CLNK: variants seen among roughly 807,000 people sequenced by gnomAD.
CLNK encodes the protein cytokine dependent hematopoietic cell linker, also known as cytokine-dependent hematopoietic cell linker.
A neutral mutation model predicts 68.6 loss-of-function variants in CLNK; 74 were observed. That is an observed-to-expected ratio of 1.08 (90% confidence interval 0.89 to 1.31). CLNK has a LOEUF of 1.31. CLNK is among the 50% of genes most tolerant of loss of function. The pLI, the probability that CLNK is intolerant of heterozygous loss-of-function variation, is 0.00. For missense variants in CLNK, 553 were observed against 515.3 expected (o/e 1.07, Z -0.71); for synonymous variants, 198 against 172.2 (o/e 1.15, Z -1.17).
At chr4:10,717,317 C>A in the CLNK span, among the ~76,000 whole-genome samples, 5 of 152,222 alleles carry the variant, frequency 3.3e-5, no homozygotes, top group Admixed American at 2.6e-4. Flanking sequence ...AAGCCGTGGC[C>A]GGGTGTGGTG....
At chr4:10,640,676 T>C (rs1427298733) in intron 2 of CLNK, among the ~76,000 whole-genome samples, 1 of 152,242 alleles carries the variant, frequency 6.6e-6, no homozygotes, top group Admixed American at 6.5e-5. Flanking sequence ...AGACTTGAGA[T>C]GCAGACTAGG....
intron 2 of CLNK, among the ~76,000 whole-genome samples, chr4:10,605,911 G>T (rs545219909): frequency 1.3e-5 from 2 of 152,034 alleles, no homozygotes; most frequent in Non-Finnish European, 2.9e-5. Context: ...AATGAAGCTT[G>T]CAGGACAGGA....
intron 3 of CLNK, among the ~76,000 whole-genome samples, chr4:10,592,149 C>T (rs1474377022): frequency 1.3e-5 from 2 of 152,194 alleles, no homozygotes; most frequent in Admixed American, 6.5e-5. Context: ...TATAATTATT[C>T]ATTTATTATT....
chr4:10,728,436 G>C, the CLNK span, among the ~76,000 whole-genome samples: 1 of 150,718 alleles, frequency 6.6e-6, no homozygotes, highest in African/African-American at 2.4e-5. Context: ...ATTTATAATA[G>C]TTGACCTTAG....
the CLNK span, among the ~76,000 whole-genome samples, chr4:10,721,961 G>C: frequency 1.3e-5 from 2 of 152,124 alleles, no homozygotes; most frequent in Non-Finnish European, 2.9e-5. Context: ...CAGATCACTT[G>C]AGGTCAGGAG....
At chr4:10,724,168 A>G in the CLNK span, among the ~76,000 whole-genome samples, 1 of 152,176 alleles carries the variant, frequency 6.6e-6, no homozygotes, top group Non-Finnish European at 1.5e-5. Flanking sequence ...TACATATTTA[A>G]CATTATACAA....
At chr4:10,732,853 C>A in the CLNK span, among the ~76,000 whole-genome samples, 3 of 152,050 alleles carry the variant, frequency 2.0e-5, no homozygotes, top group Admixed American at 1.3e-4. Context: ...AAGTGTCAGA[C>A]AATTATATCT....
chr4:10,536,565 C>A (rs1448621500), intron 11 of CLNK, among the ~76,000 whole-genome samples: 1 of 152,192 alleles, frequency 6.6e-6, no homozygotes, highest in Non-Finnish European at 1.5e-5. Flanking sequence ...TACCTAACTT[C>A]TCTGAAGCGT....
At chr4:10,721,023 G>A in the CLNK span, among the ~76,000 whole-genome samples, 1 of 152,044 alleles carries the variant, frequency 6.6e-6, no homozygotes. Flanking sequence ...CACAACTTGG[G>A]GGACTTTCCA....
At chr4:10,591,144 C>T (rs113725119) in intron 3 of CLNK, among the ~76,000 whole-genome samples, 169 of 152,268 alleles carry the variant, frequency 1.1e-3, no homozygotes, top group African/African-American at 3.8e-3. Context: ...CCTGTGTCAT[C>T]CTAGAGGTCG....
intron 2 of CLNK, among the ~76,000 whole-genome samples, chr4:10,664,477 C>T (rs1292019314): frequency 6.6e-6 from 1 of 152,208 alleles, no homozygotes; most frequent in Non-Finnish European, 1.5e-5. Context: ...TACACTCACA[C>T]CCAGCCTGAC....
intron 1 of CLNK, among the ~76,000 whole-genome samples, chr4:10,678,521 G>A (rs970327847): frequency 2.0e-5 from 3 of 151,990 alleles, no homozygotes; most frequent in Non-Finnish European, 4.4e-5. Context: ...AGACACCCAA[G>A]GCTTTGATAG....
chr4:10,709,461 C>G, the CLNK span, among the ~76,000 whole-genome samples: 1 of 152,308 alleles, frequency 6.6e-6, no homozygotes, highest in Admixed American at 6.5e-5. Flanking sequence ...GATCTCACAG[C>G]TAATTTCAAT....
At chr4:10,676,674 A>G (rs1724888818) in intron 1 of CLNK, among the ~76,000 whole-genome samples, 1 of 152,086 alleles carries the variant, frequency 6.6e-6, no homozygotes, top group African/African-American at 2.4e-5. Context: ...TTCTGCAGAA[A>G]GGGTTTCCTT....
the CLNK span, among the ~76,000 whole-genome samples, chr4:10,732,051 G>A: frequency 2.0e-5 from 3 of 152,172 alleles, no homozygotes; most frequent in Admixed American, 6.5e-5. Flanking sequence ...AAGTGCAGTA[G>A]CCACCATCAT....
intron 18 of CLNK, among the ~76,000 whole-genome samples, chr4:10,496,976 T>TAGGA (rs1716834407): frequency 6.6e-6 from 1 of 152,236 alleles, no homozygotes; most frequent in African/African-American, 2.4e-5. Flanking sequence ...TGTTGCTTCA[T>TAGGA]TCTTTCCTTG....
At chr4:10,612,927 C>A (rs1052137101) in intron 2 of CLNK, among the ~76,000 whole-genome samples, 2 of 152,218 alleles carry the variant, frequency 1.3e-5, no homozygotes, top group Admixed American at 1.3e-4. Flanking sequence ...AAAATGCTTA[C>A]AACCATGCTT....
At chr4:10,579,344 C>CTA (rs1170260057) in intron 4 of CLNK, among the ~76,000 whole-genome samples, 1 of 151,732 alleles carries the variant, frequency 6.6e-6, no homozygotes, top group Admixed American at 6.6e-5. Flanking sequence ...GAGTTTTTGA[C>CTA]TATATGGCTT....
chr4:10,547,988 T>G (rs1719302594), intron 8 of CLNK, among the ~76,000 whole-genome samples: 1 of 152,176 alleles, frequency 6.6e-6, no homozygotes, highest in South Asian at 2.1e-4. Flanking sequence ...TTTTCAATTC[T>G]TTGGGTATAT....
Sources: allele counts gnomAD v4.1 joint callset (sites outside exome capture counted in the v4.1 genomes callset), GRCh38; gene constraint gnomAD v4.1.1; transcripts MANE v1.5; gene names NCBI Gene and HGNC (gene_info 2026-07-23, HGNC 2026-07-21).